Variants in APLF observed in about 807,000 individuals in gnomAD.
APLF encodes the protein aprataxin and PNK-like factor.
In APLF, 61 loss-of-function variants were observed where a neutral mutation model predicts 55.6. The observed-to-expected ratio is 1.10, with a 90% CI of 0.89 to 1.36. The LOEUF (loss-of-function observed/expected upper bound fraction) is 1.36, where lower values mean the gene tolerates loss of function less well. APLF is among the 40% of genes most tolerant of loss of function. The probability of loss-of-function intolerance (pLI) is 0.00; values close to 1 mark genes in which losing one functional copy is unlikely to be tolerated. For missense variants in APLF, 611 were observed against 602.5 expected (o/e 1.01, Z -0.15); for synonymous variants, 207 against 214.8 (o/e 0.96, Z 0.32).
At chr2:68,547,193 G>T (rs1247197168) in intron 8 of APLF, among the ~76,000 whole-genome samples, 1 of 151,692 alleles carries the variant, frequency 6.6e-6, no homozygotes, top group Non-Finnish European at 1.5e-5. Flanking sequence ...CCTCTATGAA[G>T]AAAACTATAA....
intron 1 of APLF, among the ~76,000 whole-genome samples, chr2:68,478,304 GA>G (rs1243239890): frequency 1.3e-5 from 2 of 152,166 alleles, no homozygotes; most frequent in Non-Finnish European, 2.9e-5. Context: ...AAAGGAAAAG[GA>G]AATTCATGAA....
intron 8 of APLF, among the ~76,000 whole-genome samples, chr2:68,548,698 C>T (rs1415217320): frequency 1.3e-5 from 2 of 151,836 alleles, no homozygotes; most frequent in East Asian, 3.8e-4. Context: ...TTTCATAGCT[C>T]ATGTTGTATA....
chr2:68,572,633 C>A (rs917290872), intron 9 of APLF, among the ~76,000 whole-genome samples: 1 of 152,072 alleles, frequency 6.6e-6, no homozygotes, highest in Non-Finnish European at 1.5e-5. Flanking sequence ...CCCAGGAGTT[C>A]ATGACCAGCC....
At chr2:68,545,463 G>T in intron 8 of APLF, 151 bp downstream of exon 8, 1 of 1,011,692 alleles carries the variant, frequency 9.9e-7, no homozygotes, top group East Asian at 2.6e-5. Flanking sequence ...GTAATAGGTA[G>T]GATGATATTT....
intron 1 of APLF, among the ~76,000 whole-genome samples, chr2:68,485,809 C>CTT (rs1189243777): frequency 3.1e-4 from 40 of 129,196 alleles, no homozygotes; most frequent in African/African-American, 4.6e-4. Context: ...TTTATTATCT[C>CTT]TTTTTTTTTT....
At chr2:68,548,422 A>G (rs1429884968) in intron 8 of APLF, among the ~76,000 whole-genome samples, 1 of 151,936 alleles carries the variant, frequency 6.6e-6, no homozygotes, top group Non-Finnish European at 1.5e-5. Context: ...TTGGTAACAT[A>G]CATAGCCTTT....
In APLF at chr2:68,500,831, G is replaced by A. The variant is rs561219750; in HGVS notation, c.169-1900G>A. Among the ~76,000 whole-genome samples, 4 of 152,264 alleles carry A rather than the reference G, an allele frequency of 2.6e-5. No homozygotes were observed. In the South Asian group the frequency reaches 6.2e-4, roughly 24 times the overall value. On this transcript the variant is annotated intron_variant, in intron 2 of 9. Transcript: ENST00000303795. ...GGGCACGATTCCCAAGTTCAGCAGCGGACACAAGCTCAGAGCCTGTCAATT... is the reference window on the plus strand; with the variant it reads ...GGGCACGATTCCCAAGTTCAGCAGCAGACACAAGCTCAGAGCCTGTCAATT...
At chr2:68,533,314 CTA>C (rs1426612230) in intron 6 of APLF, among the ~76,000 whole-genome samples, 4 of 152,156 alleles carry the variant, frequency 2.6e-5, no homozygotes, top group Non-Finnish European at 5.9e-5. Flanking sequence ...ACAAAACAGA[CTA>C]TGTATTTCCT....
At chr2:68,551,646 A>T (rs1457580256) in intron 8 of APLF, among the ~76,000 whole-genome samples, 1 of 110,590 alleles carries the variant, frequency 9.0e-6, no homozygotes, top group Non-Finnish European at 1.9e-5. Context: ...TGGTGGAACT[A>T]TCCATTTTTA....
At chr2:68,527,449 ATGGGGTG>A (rs1170983681) in intron 6 of APLF, among the ~76,000 whole-genome samples, 22 of 148,460 alleles carry the variant, frequency 1.5e-4, no homozygotes, top group African/African-American at 3.5e-4. Context: ...CACTTCCCAG[ATGGGGTG>A]GAGGCCGGGC....
chr2:68,518,422 T>A (rs1323186838), intron 5 of APLF, among the ~76,000 whole-genome samples: 1 of 112,338 alleles, frequency 8.9e-6, no homozygotes, highest in Non-Finnish European at 1.6e-5. Flanking sequence ...TATTATATAA[T>A]AATTTATTAT....
At chr2:68,536,443 G>A (rs1246317226) in intron 6 of APLF, among the ~76,000 whole-genome samples, 1 of 152,106 alleles carries the variant, frequency 6.6e-6, no homozygotes, top group Non-Finnish European at 1.5e-5. Context: ...CAGCATACAT[G>A]AGTCTTTAGT....
chr2:68,481,812 T>G (rs1246213883), intron 1 of APLF, among the ~76,000 whole-genome samples: 1 of 152,084 alleles, frequency 6.6e-6, no homozygotes, highest in African/African-American at 2.4e-5. Flanking sequence ...ACTTTTTTCT[T>G]TTCTTTGGGT....
rs1221698962 is a variant in APLF at position 68,477,647 on chromosome 2, C to G, written c.96+9820C>G. On this transcript the variant is annotated intron_variant, in intron 1 of 9. Coordinates refer to ENST00000303795, the MANE Select transcript of APLF (RefSeq NM_173545.3). Reference sequence around the variant, plus strand: ...AGAGTGAGACCCTGTCTGTATTAGTCTGTTCTCACACTGCTAATAAAGACA... The same window carrying G: ...AGAGTGAGACCCTGTCTGTATTAGTGTGTTCTCACACTGCTAATAAAGACA... Among the ~76,000 whole-genome samples, 139 of 152,046 alleles carry G rather than the reference C, an allele frequency of 9.1e-4. 1 individual carries two copies. The highest frequency in any genetic ancestry group is 5.9e-5 in the Non-Finnish European group (4 of 68,022).
At chr2:68,470,598 G>A (rs1278359983) in intron 1 of APLF, among the ~76,000 whole-genome samples, 2 of 152,164 alleles carry the variant, frequency 1.3e-5, no homozygotes, top group African/African-American at 4.8e-5. Flanking sequence ...TTAGGCCAAA[G>A]TATTTGCTTT....
chr2:68,547,296 C>T (rs1254457387), intron 8 of APLF, among the ~76,000 whole-genome samples: 1 of 151,696 alleles, frequency 6.6e-6, no homozygotes, highest in African/African-American at 2.4e-5. Flanking sequence ...TCAGTAGTGT[C>T]AAAATACCAG....
intron 3 of APLF, among the ~76,000 whole-genome samples, chr2:68,509,861 G>A (rs1306619524): frequency 7.9e-5 from 12 of 151,668 alleles, no homozygotes; most frequent in African/African-American, 2.7e-4. Flanking sequence ...AATGTGACAT[G>A]TATACACCAT....
intron 8 of APLF, among the ~76,000 whole-genome samples, chr2:68,566,347 A>G (rs1010222859): frequency 6.6e-6 from 1 of 152,076 alleles, no homozygotes; most frequent in Non-Finnish European, 1.5e-5. Flanking sequence ...CTTATTTTTC[A>G]GTGAAGAAAG....
At position 68,578,099 on chromosome 2, in the gene APLF, C is replaced by G. The variant is rs1671668226; in HGVS notation, c.*77C>G. ...AAAACATTTATGAACTAAGGAGGTACTTAAGTGACAGTTATTTTCCTTCTT... is the reference window on the plus strand; with the variant it reads ...AAAACATTTATGAACTAAGGAGGTAGTTAAGTGACAGTTATTTTCCTTCTT... On this transcript the variant is annotated 3_prime_UTR_variant, in exon 10 of 10. Coordinates refer to ENST00000303795, the MANE Select transcript of APLF (RefSeq NM_173545.3). 1 of 1,498,834 alleles carries G rather than the reference C, an allele frequency of 6.7e-7. No individual in the cohort carries two copies. Among genetic ancestry groups the G allele is most frequent in the African/African-American group, 1.4e-5 (1 of 70,976 alleles). The allele number at this position is 1,498,834 out of a possible 1,614,324, so 92.8% of individuals were successfully genotyped here. A position where few individuals can be genotyped will look rare whatever the true frequency, so the allele number is the denominator to read the frequency against.
Sources: gnomAD v4.1 joint callset for allele counts (sites outside exome capture counted in the v4.1 genomes callset) on GRCh38, gnomAD v4.1.1 for gene constraint, MANE v1.5 for transcripts, NCBI Gene and HGNC (gene_info 2026-07-23, HGNC 2026-07-21) for gene names.